NUP210L: variants seen among roughly 807,000 people sequenced by gnomAD.
NUP210L encodes the protein nuclear pore membrane glycoprotein 210-like.
Under a neutral mutation model 208.5 loss-of-function variants are expected in NUP210L, and 74 were observed. The observed-to-expected ratio is 0.35, with a 90% CI of 0.29 to 0.43. The LOEUF is 0.43. Ranked by LOEUF, NUP210L falls within the 20% of genes least tolerant of loss-of-function variation. The pLI is 1.00. For synonymous variants in NUP210L, 780 were observed against 816.9 expected (o/e 0.95, Z 0.77); for missense variants, 1,843 against 2,289.4 (o/e 0.81, Z 3.98).
At chr1:154,006,127 G>A (rs553442347) in intron 35 of NUP210L, among the ~76,000 whole-genome samples, 1 of 151,992 alleles carries the variant, frequency 6.6e-6, no homozygotes, top group South Asian at 2.1e-4. Flanking sequence ...CAAAGTGTTG[G>A]GATTACAGGC....
chr1:154,022,287 G>T, exon 32 of NUP210L: 2 of 1,614,178 alleles, frequency 1.2e-6, no homozygotes, highest in Non-Finnish European at 1.7e-6. Flanking sequence ...TCTGTTCACA[G>T]CCTGGGCCAT....
At chr1:154,105,186 G>A (rs1656688214) in intron 12 of NUP210L, among the ~76,000 whole-genome samples, 1 of 152,194 alleles carries the variant, frequency 6.6e-6, no homozygotes, top group South Asian at 2.1e-4. Flanking sequence ...AACACTTGCT[G>A]ATTAAAGAGC....
chr1:154,043,702 C>G (rs1653018439), intron 27 of NUP210L, among the ~76,000 whole-genome samples: 1 of 150,664 alleles, frequency 6.6e-6, no homozygotes, highest in Non-Finnish European at 1.5e-5. Flanking sequence ...TCTCTGCTCA[C>G]TGCAACCTGC....
chr1:154,073,605 A>G (rs1269714646), intron 16 of NUP210L, among the ~76,000 whole-genome samples: 1 of 152,010 alleles, frequency 6.6e-6, no homozygotes, highest in Non-Finnish European at 1.5e-5. Flanking sequence ...ACTTGAGGTC[A>G]GGAGTTCGAG....
Position 154,004,859 on chromosome 1 carries a change from T to C in NUP210L, c.4931-2874A>G, listed in dbSNP as rs1396062210. The stretch of plus-strand genomic sequence containing the variant: ...TTTCTTTTCTTTCTTTCTTTCTTTT[T>C]TTTTTTTTTTTTGAGATGGAATCTC... On this transcript the variant is annotated intron_variant, in intron 35 of 39. Coordinates refer to ENST00000368559, the Ensembl canonical transcript of NUP210L. 2.1e-4 allele frequency among the ~76,000 whole-genome samples: 31 copies of C among 145,740 alleles called. No homozygotes were observed. The Admixed American group carries it at 2.1e-3, about 10-fold the overall frequency.
At chr1:154,139,151 C>T (rs1658701157) in intron 5 of NUP210L, among the ~76,000 whole-genome samples, 1 of 151,946 alleles carries the variant, frequency 6.6e-6, no homozygotes, top group Non-Finnish European at 1.5e-5. Flanking sequence ...ACCTGTAATC[C>T]CAGATATTCG....
At chr1:154,104,290 A>T (rs1379369995) in intron 12 of NUP210L, 80 bp from the exon 13 acceptor site, 1 of 1,045,942 alleles carries the variant, frequency 9.6e-7, no homozygotes, top group Non-Finnish European at 1.5e-6. Flanking sequence ...ATGGCCAAAT[A>T]GAACCCTCCA....
At chr1:154,094,465 A>ATC (rs1656088244) in intron 15 of NUP210L, among the ~76,000 whole-genome samples, 1 of 152,176 alleles carries the variant, frequency 6.6e-6, no homozygotes, top group Non-Finnish European at 1.5e-5. Flanking sequence ...CTCTAAATAA[A>ATC]TAAATAAAAA....
At chr1:154,115,838 GC>G (rs927070628) in intron 12 of NUP210L, among the ~76,000 whole-genome samples, 3 of 151,806 alleles carry the variant, frequency 2.0e-5, no homozygotes, top group Admixed American at 6.6e-5. Context: ...TGGGGCTGGG[GC>G]TGGGCGCAGT....
chr1:154,138,032 G>A, intron 6 of NUP210L, 74 bp downstream of exon 6: 1 of 1,040,530 alleles, frequency 9.6e-7, no homozygotes, highest in Non-Finnish European at 1.3e-6. Context: ...CATATGTAAT[G>A]TGGAGTTGCT....
chr1:154,003,149 TCCAGGCATGTGCCAC>T (rs1289900659), intron 35 of NUP210L, among the ~76,000 whole-genome samples: 1 of 151,872 alleles, frequency 6.6e-6, no homozygotes, highest in Non-Finnish European at 1.5e-5. Context: ...CAGCTAGGAC[TCCAGGCATGTGCCAC>T]CATGCCTGGC....
chr1:154,142,914 C>T (rs1027340567), intron 3 of NUP210L, among the ~76,000 whole-genome samples: 5 of 142,174 alleles, frequency 3.5e-5, no homozygotes, highest in South Asian at 2.2e-4. Flanking sequence ...AGTGGCCAGG[C>T]GCGGTGGCTC....
At chr1:154,054,374 T>C in exon 25 of NUP210L, 1 of 1,614,210 alleles carries the variant, frequency 6.2e-7, no homozygotes, top group Non-Finnish European at 8.5e-7. Flanking sequence ...AAGTGAACGA[T>C]GGATTGGGGC....
chr1:154,151,321 T>C (rs1230838087), intron 2 of NUP210L, among the ~76,000 whole-genome samples: 4 of 150,122 alleles, frequency 2.7e-5, no homozygotes, highest in Non-Finnish European at 5.9e-5. Flanking sequence ...TCTTTTAACA[T>C]CTCTGCAATT....
intron 7 of NUP210L, among the ~76,000 whole-genome samples, chr1:154,131,102 T>TA (rs1293759279): frequency 3.0e-3 from 435 of 144,068 alleles, no homozygotes; most frequent in African/African-American, 7.5e-3. Context: ...CCGTCTCTGC[T>TA]AAAAAAAAAA....
intron 38 of NUP210L, 33 bp from the exon 39 acceptor site, chr1:153,993,122 A>T (rs1272992040): frequency 1.9e-6 from 3 of 1,541,898 alleles, no homozygotes; most frequent in Non-Finnish European, 2.7e-6. Context: ...CACAAGGCAT[A>T]TCTGAGGAAG....
At chr1:154,030,105 C>T (rs1175435522) in intron 27 of NUP210L, 51 bp from the exon 28 acceptor site, 3 of 1,305,132 alleles carry the variant, frequency 2.3e-6, no homozygotes, top group Admixed American at 2.7e-5. Flanking sequence ...AACATGGTGT[C>T]CTTCCTTTTT....
At position 154,128,485 on chromosome 1, in the gene NUP210L, C is replaced by G. The variant is rs576121833; in HGVS notation, c.1078+792G>C. Among the ~76,000 whole-genome samples the G allele has an allele frequency of 1.3e-4, 20 of 150,454 alleles. No homozygotes were observed. In the South Asian group the frequency reaches 3.4e-3, roughly 25 times the overall value. On this transcript the variant is annotated intron_variant, in intron 8 of 39. Coordinates refer to ENST00000368559, the Ensembl canonical transcript of NUP210L. Reference sequence around the variant, plus strand: ...AACAGAGCCAGACACTGATTCAGACCAAAAAGAAAAAATTGTATAATAATT... The same window carrying G: ...AACAGAGCCAGACACTGATTCAGACGAAAAAGAAAAAATTGTATAATAATT...
chr1:154,014,452 T>G (rs1651128904), intron 33 of NUP210L, among the ~76,000 whole-genome samples: 1 of 152,166 alleles, frequency 6.6e-6, no homozygotes. Context: ...TCATGCTACC[T>G]CTGTCCTTGA....
Sources: gnomAD v4.1 joint callset for allele counts (sites outside exome capture counted in the v4.1 genomes callset) on GRCh38, gnomAD v4.1.1 for gene constraint, MANE v1.5 for transcripts, NCBI Gene and HGNC (gene_info 2026-07-23, HGNC 2026-07-21) for gene names.